The following SLC13A1 variants were observed in gnomAD, a reference collection of about 807,000 sequenced individuals.
The protein encoded by SLC13A1 is Na(+)/sulfate cotransporter.
In SLC13A1, 65 loss-of-function variants were observed where a neutral mutation model predicts 70.0. That is an observed-to-expected ratio of 0.93 (90% CI 0.76 to 1.14). SLC13A1 has a LOEUF of 1.14. Ranked by LOEUF, SLC13A1 falls within the 50% of genes most tolerant of loss-of-function variation. The pLI is 0.00. For missense variants in SLC13A1, 726 were observed against 717.8 expected, an observed-to-expected ratio of 1.01 and a Z score of -0.13; for synonymous variants, 275 against 250.5, an observed-to-expected ratio of 1.10 and a Z score of -0.92.
rs971665234 is a variant in SLC13A1, at chr7:123,129,257, G to A, written c.1031+126C>T. On this transcript the variant is annotated intron_variant, in intron 9 of 14. Transcript: ENST00000194130. Reference sequence around the variant, plus strand: ...CCTAATCAAGTGTTATAAATACCTTGCAAGCAATTATGTGCTTGTTTGCTT... The same window carrying A: ...CCTAATCAAGTGTTATAAATACCTTACAAGCAATTATGTGCTTGTTTGCTT... 3.7e-6 allele frequency: 3 copies of A among 817,092 alleles called. No homozygotes were observed. In the African/African-American group the frequency reaches 5.2e-5, roughly 14 times the overall value. The allele number at this position is 817,092 out of a possible 1,614,324, so 50.6% of individuals were successfully genotyped here.
chr7:123,133,815 C>A (rs925721593), intron 8 of SLC13A1, among the ~76,000 whole-genome samples: 11 of 151,978 alleles, frequency 7.2e-5, no homozygotes, highest in Non-Finnish European at 4.4e-5. Flanking sequence ...CAGGTGTGAG[C>A]CACTGTGCCT....
In SLC13A1 at chr7:123,199,909, A is replaced by C. The variant is rs772641083; in HGVS notation, c.38T>G (p.Phe13Cys). 1.9e-6 allele frequency: 3 copies of C among 1,613,166 alleles called. No homozygotes were observed. The Admixed American group carries it at 5.0e-5, about 27-fold the overall frequency. ...CAACACAGTGAAAACCACGAAGAGA[A>C]ATCGGCGATAAACCAGAATGTAACT... is the stretch of plus-strand genomic sequence containing the variant. ...FFSYILVYRR[F>C]LFVVFTVLVL... is the part of the protein sequence containing the mutation. The change falls in exon 1 of 15, where the codon TTT (phenylalanine) becomes TGT (cysteine). Residue 13 changes from phenylalanine (F) to cysteine (C), a missense_variant. By Grantham distance (205) the Phe-to-Cys change is radical (BLOSUM62 -2). Transcript: ENST00000194130.
At chr7:123,162,221 AAGAACT>A (rs1794938434) in intron 6 of SLC13A1, among the ~76,000 whole-genome samples, 1 of 152,132 alleles carries the variant, frequency 6.6e-6, no homozygotes. Flanking sequence ...ATAAAATGTG[AAGAACT>A]AGATTTTTGT....
chr7:123,181,353 G>A (rs1795633865), intron 1 of SLC13A1, among the ~76,000 whole-genome samples: 1 of 152,068 alleles, frequency 6.6e-6, no homozygotes, highest in Admixed American at 6.6e-5. Flanking sequence ...TCCCTCAAAA[G>A]AGATAATCTA....
intron 10 of SLC13A1, among the ~76,000 whole-genome samples, chr7:123,126,720 T>C (rs978437799): frequency 6.6e-6 from 1 of 152,126 alleles, no homozygotes. Flanking sequence ...TAGTTAAAAA[T>C]CTACCTTACC....
chr7:123,161,726 C>T lies in SLC13A1; in HGVS notation c.660+6648G>A, dbSNP rs369584782. 8.1e-4 allele frequency among the ~76,000 whole-genome samples: 124 copies of T among 152,152 alleles called. 1 individual carries two copies. Among genetic ancestry groups the T allele is most frequent in the Admixed American group, 2.6e-4 (4 of 15,272 alleles). On this transcript the variant is annotated intron_variant, in intron 6 of 14. Transcript: ENST00000194130. ...TTGCTATATTTGGTCTTTGCTGTGG[C>T]GACCAATCCATACCTTAACTAGTGC...
intron 1 of SLC13A1, among the ~76,000 whole-genome samples, chr7:123,185,023 A>G (rs546486994): frequency 6.6e-6 from 1 of 152,138 alleles, no homozygotes; most frequent in East Asian, 1.9e-4. Context: ...TTTAGTTTGT[A>G]TTTCCCAGAA....
At chr7:123,154,355 A>G (rs1794649126) in intron 6 of SLC13A1, among the ~76,000 whole-genome samples, 1 of 152,120 alleles carries the variant, frequency 6.6e-6, no homozygotes. Context: ...ATTTCCTATG[A>G]GGACATGACC....
rs201101613 is a variant in SLC13A1 at position 123,171,769 on chromosome 7, A to G, written c.364T>C (p.Trp122Arg). The stretch of plus-strand genomic sequence containing the variant: ...GGAAGCAGTAAATGCAGTACTTACC[A>G]TGCAGGATTTACACCAACCATCATC... Reference protein sequence around the residue: ...MVMMVGVNPAWLTLGFMSSTA... With the variant: ...MVMMVGVNPARLTLGFMSSTA... Residue 122 changes from tryptophan to arginine, a missense_variant and splice_region_variant, in exon 3 of 15, where the codon TGG (tryptophan) becomes CGG (arginine). Coordinates refer to ENST00000194130, the MANE Select transcript of SLC13A1 (RefSeq NM_022444.4). 6 of 1,613,664 alleles carry G rather than the reference A, an allele frequency of 3.7e-6. No individual in the cohort carries two copies. The highest frequency in any genetic ancestry group is 5.1e-6 in the Non-Finnish European group (6 of 1,179,846).
intron 6 of SLC13A1, 136 bp from the exon 7 acceptor site, chr7:123,147,446 C>A: frequency 1.0e-6 from 1 of 973,974 alleles, no homozygotes; most frequent in African/African-American, 1.6e-5. Flanking sequence ...GGCAATGGGG[C>A]ATTTGGAAGA....
chr7:123,117,731 A>C (rs563836448), intron 13 of SLC13A1, 123 bp from the exon 14 acceptor site: 1 of 511,214 alleles, frequency 2.0e-6, no homozygotes, highest in African/African-American at 1.9e-5. Context: ...ATATAAAATT[A>C]TATAAATTAT....
chr7:123,119,042 C>A, intron 13 of SLC13A1, 39 bp downstream of exon 13: 1 of 1,576,042 alleles, frequency 6.3e-7, no homozygotes, highest in South Asian at 1.1e-5. Context: ...GAGTACTGCT[C>A]TTAATGAAGA....
intron 2 of SLC13A1, among the ~76,000 whole-genome samples, chr7:123,180,636 G>A (rs946191334): frequency 6.6e-6 from 1 of 152,118 alleles, no homozygotes; most frequent in Non-Finnish European, 1.5e-5. Flanking sequence ...TTCCAACACC[G>A]TGAGGCTGAA....
chr7:123,121,235 C>T (rs1243991923), intron 12 of SLC13A1, among the ~76,000 whole-genome samples: 1 of 151,924 alleles, frequency 6.6e-6, no homozygotes, highest in Non-Finnish European at 1.5e-5. Context: ...GCCCATAGAT[C>T]TTTATACACT....
At chr7:123,191,249 G>A (rs148986338) in intron 1 of SLC13A1, among the ~76,000 whole-genome samples, 2 of 152,236 alleles carry the variant, frequency 1.3e-5, no homozygotes, top group South Asian at 2.1e-4. Context: ...TGAGGTCTTG[G>A]CTGGGGAGCT....
intron 13 of SLC13A1, 59 bp from the exon 14 acceptor site, chr7:123,117,667 A>C (rs1585279679): frequency 1.2e-6 from 1 of 847,806 alleles, no homozygotes; most frequent in Non-Finnish European, 1.7e-6. Flanking sequence ...ACGAAACATA[A>C]AAAAAAAAAA....
chr7:123,179,776 T>C (rs942202458), intron 2 of SLC13A1, among the ~76,000 whole-genome samples: 12 of 151,730 alleles, frequency 7.9e-5, no homozygotes, highest in Admixed American at 2.6e-4. Flanking sequence ...GTCAGTTTTA[T>C]TGTTACTAAA....
At position 123,149,620 on chromosome 7, in the gene SLC13A1, A is replaced by G. The variant is rs752298571; in HGVS notation, c.661-2310T>C. On this transcript the variant is annotated intron_variant, in intron 6 of 14. Coordinates refer to ENST00000194130, the MANE Select transcript of SLC13A1 (RefSeq NM_022444.4). ...TTTTTTGGTCACCTCACTTGCAAGT[A>G]CTGTGGAAATGAAATGCAAAAATAC... The G allele has an allele frequency of 4.6e-5, 21 of 456,432 alleles. 1 individual carries two copies. The highest frequency in any genetic ancestry group is 3.1e-4 in the South Asian group (20 of 64,566). 28.3% of individuals were successfully genotyped at this position (456,432 alleles called of 1,614,324 possible).
chr7:123,124,285 C>G (rs1035143367), intron 11 of SLC13A1, among the ~76,000 whole-genome samples: 2 of 152,118 alleles, frequency 1.3e-5, no homozygotes, highest in African/African-American at 4.8e-5. Context: ...CTTGCCACTG[C>G]CAGACCTCAG....
Sources: gnomAD v4.1 joint callset for allele counts (sites outside exome capture counted in the v4.1 genomes callset) on GRCh38, gnomAD v4.1.1 for gene constraint, MANE v1.5 for transcripts, NCBI Gene and HGNC (gene_info 2026-07-23, HGNC 2026-07-21) for gene names.